PRELID2: variants seen among roughly 807,000 people sequenced by gnomAD.
The protein encoded by PRELID2 is PRELI domain-containing protein 2.
A neutral mutation model predicts 28.4 loss-of-function variants in PRELID2; 25 were observed. The observed-to-expected ratio is 0.88, with a 90% CI of 0.64 to 1.23. The LOEUF (loss-of-function observed/expected upper bound fraction) is 1.23, where lower values mean the gene tolerates loss of function less well. Among genes scored for constraint, PRELID2 ranks in the 50% most tolerant of loss-of-function variants. The probability of loss-of-function intolerance (pLI) is 0.00; values close to 1 mark genes in which losing one functional copy is unlikely to be tolerated. For synonymous variants in PRELID2, 76 were observed against 71.6 expected, an observed-to-expected ratio of 1.06 and a Z score of -0.31; for missense variants, 201 against 214.4, an observed-to-expected ratio of 0.94 and a Z score of 0.39.
At chr5:145,403,846 T>C in the PRELID2 span, among the ~76,000 whole-genome samples, 1 of 152,208 alleles carries the variant, frequency 6.6e-6, no homozygotes, top group African/African-American at 2.4e-5. Context: ...AATATAGTAC[T>C]GTCTCACCCT....
intron 1 of PRELID2, among the ~76,000 whole-genome samples, chr5:145,594,019 T>C (rs1189606919): frequency 1.3e-5 from 2 of 152,204 alleles, no homozygotes; most frequent in African/African-American, 4.8e-5. Flanking sequence ...ATATAATACT[T>C]AAATATGAAT....
chr5:145,685,351 T>A (rs1450306577), intron 1 of PRELID2, among the ~76,000 whole-genome samples: 4 of 152,218 alleles, frequency 2.6e-5, no homozygotes, highest in Admixed American at 6.5e-5. Flanking sequence ...TCTGATGTAA[T>A]ACGCCATGTT....
At chr5:145,523,143 C>A (rs1339221205) in intron 1 of PRELID2, among the ~76,000 whole-genome samples, 1 of 152,164 alleles carries the variant, frequency 6.6e-6, no homozygotes, top group East Asian at 1.9e-4. Context: ...CTGAGTATCA[C>A]GTGCCCTGGG....
chr5:145,722,586 C>T (rs1221512857), intron 1 of PRELID2, among the ~76,000 whole-genome samples: 2 of 152,138 alleles, frequency 1.3e-5, no homozygotes, highest in Non-Finnish European at 2.9e-5. Context: ...GCAGCCTCCA[C>T]CTCCTGGGTT....
intron 1 of PRELID2, among the ~76,000 whole-genome samples, chr5:145,485,896 G>C (rs1580955008): frequency 6.6e-6 from 1 of 152,214 alleles, no homozygotes; most frequent in South Asian, 2.1e-4. Context: ...AAACTTTTAT[G>C]TTATCCATGA....
At chr5:145,316,611 T>C in the PRELID2 span, among the ~76,000 whole-genome samples, 3 of 152,324 alleles carry the variant, frequency 2.0e-5, no homozygotes, top group South Asian at 4.1e-4. Flanking sequence ...CCTGTTAAGA[T>C]ACCACTGCCT....
chr5:145,275,190 AAATT>A, the PRELID2 span, among the ~76,000 whole-genome samples: 1 of 152,124 alleles, frequency 6.6e-6, no homozygotes, highest in African/African-American at 2.4e-5. Context: ...CACAGGACAA[AAATT>A]AATTGAGTAC....
chr5:145,387,090 C>T, the PRELID2 span, among the ~76,000 whole-genome samples: 1 of 152,130 alleles, frequency 6.6e-6, no homozygotes, highest in Non-Finnish European at 1.5e-5. Flanking sequence ...TAGATATTTA[C>T]ATAGCATTCA....
chr5:145,743,315 G>A (rs1030575140), intron 1 of PRELID2, among the ~76,000 whole-genome samples: 3 of 150,552 alleles, frequency 2.0e-5, no homozygotes, highest in African/African-American at 4.9e-5. Flanking sequence ...GGAGGCTGAG[G>A]CAGGAGAATT....
At chr5:145,736,709 C>A (rs1897543) in intron 1 of PRELID2, among the ~76,000 whole-genome samples, 134,798 of 151,902 alleles carry the variant, frequency 0.89, 59,849 homozygotes, top group East Asian at 0.99. Flanking sequence ...GTAATTCCCC[C>A]AAAAAAATAT....
chr5:145,548,208 C>T (rs1244821451), intron 1 of PRELID2, among the ~76,000 whole-genome samples: 1 of 152,122 alleles, frequency 6.6e-6, no homozygotes, highest in Non-Finnish European at 1.5e-5. Flanking sequence ...CTTATGAAAG[C>T]TAACATATTT....
At chr5:145,567,138 T>C (rs1752973849) in intron 1 of PRELID2, among the ~76,000 whole-genome samples, 1 of 152,096 alleles carries the variant, frequency 6.6e-6, no homozygotes, top group Non-Finnish European at 1.5e-5. Context: ...CCCACCAAAA[T>C]TCACATCCAT....
chr5:145,444,115 T>C, the PRELID2 span, among the ~76,000 whole-genome samples: 2 of 152,036 alleles, frequency 1.3e-5, no homozygotes, highest in South Asian at 4.1e-4. Flanking sequence ...GAGGATGTCG[T>C]ATGTATTACC....
chr5:145,578,043 C>T (rs1753076280), intron 1 of PRELID2, among the ~76,000 whole-genome samples: 1 of 151,944 alleles, frequency 6.6e-6, no homozygotes, highest in South Asian at 2.1e-4. Flanking sequence ...ACTAATTTCC[C>T]CAACATTCTG....
chr5:145,675,847 T>C (rs540075553), intron 1 of PRELID2, among the ~76,000 whole-genome samples: 1 of 152,226 alleles, frequency 6.6e-6, no homozygotes, highest in East Asian at 1.9e-4. Flanking sequence ...TACACAATTG[T>C]AAAGAAAAAT....
chr5:145,614,188 T>C (rs1161191530), intron 1 of PRELID2, among the ~76,000 whole-genome samples: 2 of 152,260 alleles, frequency 1.3e-5, no homozygotes, highest in Non-Finnish European at 2.9e-5. Context: ...GTGCCTGTTT[T>C]TGTACCAGTA....
At chr5:145,385,931 C>T in the PRELID2 span, among the ~76,000 whole-genome samples, 1 of 152,002 alleles carries the variant, frequency 6.6e-6, no homozygotes, top group Non-Finnish European at 1.5e-5. Flanking sequence ...ACCCAGATCT[C>T]GTCTTGATTT....
At chr5:145,619,146 C>A (rs754104090) in intron 1 of PRELID2, among the ~76,000 whole-genome samples, 13 of 152,324 alleles carry the variant, frequency 8.5e-5, no homozygotes, top group African/African-American at 2.6e-4. Context: ...GTTCTTCCCC[C>A]ACGTGTGGAG....
At chr5:145,813,846 T>C (rs1261706697) in intron 4 of PRELID2, among the ~76,000 whole-genome samples, 1 of 152,176 alleles carries the variant, frequency 6.6e-6, no homozygotes, top group East Asian at 1.9e-4. Flanking sequence ...TGTACCAAAA[T>C]ATAAAATGCA....
Sources: allele counts gnomAD v4.1 joint callset (sites outside exome capture counted in the v4.1 genomes callset), GRCh38; gene constraint gnomAD v4.1.1; transcripts MANE v1.5; gene names NCBI Gene and HGNC (gene_info 2026-07-23, HGNC 2026-07-21).